The following MAST4 variants were observed in gnomAD, a reference collection of about 807,000 sequenced individuals.
MAST4 encodes microtubule-associated serine/threonine-protein kinase 4.
Under a neutral mutation model 162.7 loss-of-function variants are expected in MAST4, and 89 were observed. That is an observed-to-expected ratio of 0.55 (90% CI 0.46 to 0.65). The LOEUF (loss-of-function observed/expected upper bound fraction) is 0.65. Ranked by LOEUF, MAST4 falls within the 30% of genes least tolerant of loss-of-function variation. The pLI is 0.00. For missense variants in MAST4, 3,153 were observed against 3,374.0 expected (o/e 0.93, Z 1.62); for synonymous variants, 1,479 against 1,361.1 (o/e 1.09, Z -1.91).
chr5:67,073,482 G>A (rs997083331), intron 5 of MAST4, among the ~76,000 whole-genome samples: 5 of 152,186 alleles, frequency 3.3e-5, no homozygotes, highest in Admixed American at 6.5e-5. Context: ...TTCCTCTTAC[G>A]TAGGGAGGTT....
chr5:66,874,674 A>ATGGT (rs1197126443), intron 3 of MAST4, among the ~76,000 whole-genome samples: 1 of 152,158 alleles, frequency 6.6e-6, no homozygotes, highest in Non-Finnish European at 1.5e-5. Flanking sequence ...TCTAAAATAC[A>ATGGT]TGGTTTCGGT....
intron 1 of MAST4, among the ~76,000 whole-genome samples, chr5:66,611,832 T>G (rs995845934): frequency 2.0e-5 from 3 of 152,254 alleles, no homozygotes; most frequent in Non-Finnish European, 4.4e-5. Context: ...AAGGTGTATA[T>G]TTAATTACTA....
intron 11 of MAST4, among the ~76,000 whole-genome samples, chr5:67,112,644 T>C (rs942235302): frequency 2.6e-5 from 4 of 152,166 alleles, no homozygotes; most frequent in Admixed American, 1.3e-4. Flanking sequence ...GATGATGAGA[T>C]GCATAGGGTG....
intron 4 of MAST4, among the ~76,000 whole-genome samples, chr5:66,963,342 C>T (rs1746255488): frequency 6.6e-6 from 1 of 152,102 alleles, no homozygotes; most frequent in Non-Finnish European, 1.5e-5. Flanking sequence ...CGATATTTCA[C>T]CTAAATTTTT....
intron 4 of MAST4, among the ~76,000 whole-genome samples, chr5:66,961,083 G>A (rs965197037): frequency 6.6e-5 from 10 of 152,182 alleles, no homozygotes; most frequent in Admixed American, 5.9e-4. Context: ...ATTAGTATGT[G>A]ATTTACTTTG....
intron 4 of MAST4, among the ~76,000 whole-genome samples, chr5:66,900,251 CAT>C (rs1762925728): frequency 6.6e-6 from 1 of 151,912 alleles, no homozygotes; most frequent in African/African-American, 2.4e-5. Context: ...TAAGCAAAAA[CAT>C]TATTTGGTTA....
chr5:66,673,531 T>G (rs1030168186), intron 1 of MAST4, among the ~76,000 whole-genome samples: 2 of 110,050 alleles, frequency 1.8e-5, no homozygotes, highest in African/African-American at 6.2e-5. Context: ...TTGTTTTTTG[T>G]TTTTTTTTTT....
At chr5:66,646,817 G>A (rs970965320) in intron 1 of MAST4, among the ~76,000 whole-genome samples, 4 of 152,138 alleles carry the variant, frequency 2.6e-5, no homozygotes, top group Non-Finnish European at 5.9e-5. Context: ...AGCTCCGCTC[G>A]CTGACAGAAG....
chr5:66,664,160 G>A (rs541773222), intron 1 of MAST4, among the ~76,000 whole-genome samples: 4 of 152,204 alleles, frequency 2.6e-5, no homozygotes, highest in South Asian at 2.1e-4. Flanking sequence ...TTGAGGCTGG[G>A]TGTGGTGGCT....
intron 4 of MAST4, among the ~76,000 whole-genome samples, chr5:66,951,019 G>A (rs1744614680): frequency 2.0e-5 from 3 of 152,176 alleles, no homozygotes; most frequent in African/African-American, 7.2e-5. Flanking sequence ...TCATGTGAAT[G>A]TGCCATAATG....
chr5:66,968,797 A>T (rs1238045833), intron 4 of MAST4, among the ~76,000 whole-genome samples: 1 of 152,218 alleles, frequency 6.6e-6, no homozygotes, highest in Non-Finnish European at 1.5e-5. Flanking sequence ...CTGAGTAGAT[A>T]TCAATTATCT....
chr5:67,021,362 A>C (rs1753958383), intron 4 of MAST4, among the ~76,000 whole-genome samples: 1 of 152,232 alleles, frequency 6.6e-6, no homozygotes, highest in African/African-American at 2.4e-5. Flanking sequence ...ATTGCAACGT[A>C]TCCCAATTTA....
intron 13 of MAST4, among the ~76,000 whole-genome samples, chr5:67,120,418 A>AT (rs1349728297): frequency 6.6e-6 from 1 of 152,210 alleles, no homozygotes; most frequent in Admixed American, 6.5e-5. Context: ...GCATGAGAGA[A>AT]TTTTTTTAAA....
chr5:66,998,561 T>C (rs1750924417), intron 4 of MAST4, among the ~76,000 whole-genome samples: 3 of 152,160 alleles, frequency 2.0e-5, no homozygotes, highest in Admixed American at 2.0e-4. Context: ...AAAACACATA[T>C]AGGGTCAGTC....
chr5:66,711,469 T>C (rs1750491977), intron 1 of MAST4, among the ~76,000 whole-genome samples: 1 of 152,186 alleles, frequency 6.6e-6, no homozygotes, highest in Non-Finnish European at 1.5e-5. Flanking sequence ...AGCATATAAT[T>C]CCAATATCTC....
chr5:66,648,868 T>C (rs866099163), intron 1 of MAST4, among the ~76,000 whole-genome samples: 2 of 152,284 alleles, frequency 1.3e-5, no homozygotes, highest in Middle Eastern at 3.4e-3. Context: ...ATAGTAAGAC[T>C]TGATGTTTTA....
At chr5:66,733,364 G>C (rs1751972873) in intron 1 of MAST4, among the ~76,000 whole-genome samples, 1 of 151,842 alleles carries the variant, frequency 6.6e-6, no homozygotes, top group Non-Finnish European at 1.5e-5. Flanking sequence ...TTACAAATAT[G>C]GTTTCCTTTC....
intron 1 of MAST4, among the ~76,000 whole-genome samples, chr5:66,755,631 CT>C (rs1753489793): frequency 6.6e-6 from 1 of 152,082 alleles, no homozygotes; most frequent in Non-Finnish European, 1.5e-5. Context: ...TTCATTTTTA[CT>C]TTTTAAAATT....
chr5:67,063,752 T>C (rs764808855), intron 5 of MAST4, among the ~76,000 whole-genome samples: 1 of 152,182 alleles, frequency 6.6e-6, no homozygotes, highest in Non-Finnish European at 1.5e-5. Context: ...GTGTATCCAC[T>C]GGGGACTTTG....
Sources: allele counts gnomAD v4.1 joint callset (sites outside exome capture counted in the v4.1 genomes callset), GRCh38; gene constraint gnomAD v4.1.1; transcripts MANE v1.5; gene names NCBI Gene and HGNC (gene_info 2026-07-23, HGNC 2026-07-21).